The following CNTNAP2 variants were observed in gnomAD, a reference collection of about 807,000 sequenced individuals.
CNTNAP2 encodes the protein contactin-associated protein-like 2.
In CNTNAP2, 98 loss-of-function variants were observed where a neutral mutation model predicts 155.2. The ratio of observed to expected loss-of-function variants is 0.63; its 90% CI spans 0.54 to 0.75. The LOEUF (loss-of-function observed/expected upper bound fraction) is 0.75, where lower values mean the gene tolerates loss of function less well. Among genes scored for constraint, CNTNAP2 ranks in the 30% least tolerant of loss-of-function variants. CNTNAP2 has a pLI of 0.00. For synonymous variants in CNTNAP2, 651 were observed against 631.2 expected (o/e 1.03, Z -0.47); for missense variants, 1,727 against 1,688.1 (o/e 1.02, Z -0.40).
intron 3 of CNTNAP2, among the ~76,000 whole-genome samples, chr7:146,988,457 T>A (rs10251794): frequency 0.26 from 39,217 of 151,990 alleles, 5,628 homozygotes; most frequent in South Asian, 0.32. Context: ...TCCAAAAATC[T>A]GTTTGAGTCC....
intron 1 of CNTNAP2, among the ~76,000 whole-genome samples, chr7:146,437,432 T>C (rs962081343): frequency 3.4e-4 from 51 of 151,570 alleles, no homozygotes; most frequent in Non-Finnish European, 2.4e-4. Flanking sequence ...ATCAAAACTA[T>C]ATTTCATATT....
At chr7:148,282,059 A>G (rs1351021427) in intron 21 of CNTNAP2, among the ~76,000 whole-genome samples, 2 of 152,018 alleles carry the variant, frequency 1.3e-5, no homozygotes, top group Admixed American at 6.6e-5. Context: ...TCCTGACCTC[A>G]TGATCCACCC....
chr7:147,396,435 C>T (rs574297166), intron 10 of CNTNAP2, among the ~76,000 whole-genome samples: 2 of 151,762 alleles, frequency 1.3e-5, no homozygotes, highest in East Asian at 1.9e-4. Context: ...TGTCAGTGTG[C>T]AAGATGGGTA....
intron 21 of CNTNAP2, among the ~76,000 whole-genome samples, chr7:148,297,197 G>GAAGGAAGGAAGGAAGGAAGGAAGC (rs1320518759): frequency 6.6e-5 from 10 of 151,150 alleles, no homozygotes; most frequent in African/African-American, 2.2e-4. Context: ...AGGAAGGAAG[G>GAAGGAAGGAAGGAAGGAAGGAAGC]AAGGAAGGAA....
chr7:147,738,544 A>G (rs1796897467), intron 13 of CNTNAP2, among the ~76,000 whole-genome samples: 1 of 152,046 alleles, frequency 6.6e-6, no homozygotes, highest in African/African-American at 2.4e-5. Context: ...TCAAATAATC[A>G]TTGGCATTTT....
intron 13 of CNTNAP2, among the ~76,000 whole-genome samples, chr7:147,657,573 A>C (rs1795544546): frequency 6.6e-6 from 1 of 152,244 alleles, no homozygotes; most frequent in African/African-American, 2.4e-5. Context: ...ATATAGAAAC[A>C]AAGCAATTCC....
intron 1 of CNTNAP2, among the ~76,000 whole-genome samples, chr7:146,548,292 T>A (rs80278812): frequency 6.6e-6 from 1 of 152,036 alleles, no homozygotes; most frequent in African/African-American, 2.4e-5. Flanking sequence ...GAAAAGGGTA[T>A]GATTTTGTTC....
At chr7:146,246,167 G>A (rs1169455573) in intron 1 of CNTNAP2, among the ~76,000 whole-genome samples, 2 of 151,716 alleles carry the variant, frequency 1.3e-5, no homozygotes, top group African/African-American at 2.4e-5. Context: ...AGGTTTTAAT[G>A]AGATGGTAAG....
chr7:147,949,735 G>C (rs895886834), intron 14 of CNTNAP2, among the ~76,000 whole-genome samples: 1 of 152,036 alleles, frequency 6.6e-6, no homozygotes, highest in African/African-American at 2.4e-5. Flanking sequence ...AAGCTGTTGG[G>C]GTCTCCTTGA....
At chr7:147,249,625 A>T (rs906033820) in intron 8 of CNTNAP2, among the ~76,000 whole-genome samples, 1 of 148,844 alleles carries the variant, frequency 6.7e-6, no homozygotes, top group Non-Finnish European at 1.5e-5. Flanking sequence ...AAAAAAAAAA[A>T]GGTTTCAGCA....
chr7:148,194,907 A>G (rs1044352086), intron 18 of CNTNAP2, among the ~76,000 whole-genome samples: 1 of 152,002 alleles, frequency 6.6e-6, no homozygotes, highest in Non-Finnish European at 1.5e-5. Flanking sequence ...TCACAGACAC[A>G]CCCCAAAATT....
At chr7:146,557,048 A>G (rs1432404804) in intron 1 of CNTNAP2, among the ~76,000 whole-genome samples, 4 of 152,110 alleles carry the variant, frequency 2.6e-5, no homozygotes, top group Non-Finnish European at 5.9e-5. Context: ...ACAACCGACA[A>G]AACAGATTTC....
chr7:146,980,777 C>CA (rs1331482957), intron 3 of CNTNAP2, among the ~76,000 whole-genome samples: 3 of 152,144 alleles, frequency 2.0e-5, no homozygotes, highest in Non-Finnish European at 4.4e-5. Context: ...CACCTACCAC[C>CA]AGGCCCCGCC....
At chr7:146,541,834 C>T (rs184450706) in intron 1 of CNTNAP2, among the ~76,000 whole-genome samples, 1 of 152,074 alleles carries the variant, frequency 6.6e-6, no homozygotes, top group Admixed American at 6.6e-5. Context: ...CAGAAAACCT[C>T]TCATTTGCCC....
chr7:147,630,318 A>T (rs1795063413), intron 12 of CNTNAP2, among the ~76,000 whole-genome samples: 1 of 111,818 alleles, frequency 8.9e-6, no homozygotes, highest in Non-Finnish European at 1.7e-5. Context: ...AACAGTAGTA[A>T]AAAAAAAAAA....
rs1438273145 is a variant in CNTNAP2, at chr7:147,346,156, T to A, written c.1498+45866T>A. 8.3e-3 allele frequency among the ~76,000 whole-genome samples: 1,246 copies of A among 149,508 alleles called. 37 individuals are homozygous for A. Among genetic ancestry groups the A allele is most frequent in the African/African-American group, 0.029 (1,169 of 40,764 alleles). ...TTATTTTATTTTATTTTATTTTATT[T>A]TTTTTTTTTGAGACAGAGTCTCGCT... On this transcript the variant is annotated intron_variant, in intron 9 of 23. Transcript: ENST00000361727.
At chr7:147,176,237 C>T (rs2116487939) in intron 8 of CNTNAP2, among the ~76,000 whole-genome samples, 1 of 152,258 alleles carries the variant, frequency 6.6e-6, no homozygotes, top group South Asian at 2.1e-4. Context: ...ATCCATTTAC[C>T]TCATCAGTTG....
intron 3 of CNTNAP2, among the ~76,000 whole-genome samples, chr7:147,008,027 T>G (rs1290914232): frequency 1.3e-5 from 2 of 152,146 alleles, no homozygotes; most frequent in Non-Finnish European, 2.9e-5. Flanking sequence ...AATACATTAT[T>G]GCATATCAAC....
chr7:146,633,832 G>A (rs1163216406), intron 1 of CNTNAP2, among the ~76,000 whole-genome samples: 2 of 79,038 alleles, frequency 2.5e-5, no homozygotes, highest in African/African-American at 6.0e-5. Flanking sequence ...TGCATCTAGA[G>A]AAAAAAAAAA....
Sources: allele counts gnomAD v4.1 joint callset (sites outside exome capture counted in the v4.1 genomes callset), GRCh38; gene constraint gnomAD v4.1.1; transcripts MANE v1.5; gene names NCBI Gene and HGNC (gene_info 2026-07-23, HGNC 2026-07-21).